The following NEK5 variants were observed in gnomAD, a reference collection of about 807,000 sequenced individuals.
The protein encoded by NEK5 is serine/threonine-protein kinase Nek5.
In NEK5, 88 loss-of-function variants were observed where a neutral mutation model predicts 109.2. The observed-to-expected ratio is 0.81, with a 90% CI of 0.68 to 0.96. The LOEUF is 0.96. NEK5 is among the 40% of genes least tolerant of loss of function. NEK5 has a pLI of 0.00. For synonymous variants in NEK5, 283 were observed against 299.9 expected (o/e 0.94, Z 0.58); for missense variants, 834 against 920.7 (o/e 0.91, Z 1.22).
chr13:52,094,915 T>C (rs1955371506), intron 12 of NEK5, among the ~76,000 whole-genome samples: 1 of 152,244 alleles, frequency 6.6e-6, no homozygotes, highest in Admixed American at 6.5e-5. Flanking sequence ...TTTAAAATAT[T>C]TTCTTTTCTT....
chr13:52,049,414 G>A (rs138692367), intron 23 of NEK5, among the ~76,000 whole-genome samples: 2,092 of 151,938 alleles, frequency 0.014, 19 homozygotes, highest in Middle Eastern at 0.02. Context: ...ACAGAGTGAG[G>A]CTCTGTCTCA....
At chr13:52,098,248 C>G (rs1009063173) in intron 12 of NEK5, among the ~76,000 whole-genome samples, 6 of 147,854 alleles carry the variant, frequency 4.1e-5, no homozygotes, top group Non-Finnish European at 3.0e-5. Flanking sequence ...GGTGACACAG[C>G]AGGACCCTCT....
At chr13:52,040,081 CTTTT>C (rs59617490) in intron 23 of NEK5, among the ~76,000 whole-genome samples, 12,659 of 120,304 alleles carry the variant, frequency 0.11, 485 homozygotes, top group Middle Eastern at 0.14. Flanking sequence ...TCTACTGGCA[CTTTT>C]TTTTTTTTTT....
intron 1 of NEK5, among the ~76,000 whole-genome samples, chr13:52,128,683 G>A (rs904317210): frequency 6.6e-6 from 1 of 152,214 alleles, no homozygotes; most frequent in Non-Finnish European, 1.5e-5. Context: ...TTGGGGCCGG[G>A]GGTGACTCGC....
In NEK5 at chr13:52,050,088, C is replaced by CA; in HGVS notation, c.2228+15dup. The stretch of plus-strand genomic sequence containing the variant: ...TACCAGTGCTCGACTTAGGTATCGG[C>CA]AAATGATCTACTTACGTATCATCAT... On this transcript the variant is annotated intron_variant, in intron 23 of 23. Transcript: ENST00000684899. 1.1e-6 allele frequency: 1 copy of CA among 935,900 alleles called. No individual in the cohort carries two copies. The highest frequency in any genetic ancestry group is 1.3e-6 in the Non-Finnish European group (1 of 784,482). The allele number at this position is 935,900 out of a possible 1,614,324, so 58.0% of individuals were successfully genotyped here. A position where few individuals can be genotyped will look rare whatever the true frequency, so the allele number is the denominator to read the frequency against.
intron 13 of NEK5, among the ~76,000 whole-genome samples, chr13:52,091,274 C>T (rs1457124650): frequency 1.3e-5 from 2 of 152,080 alleles, no homozygotes; most frequent in African/African-American, 4.8e-5. Context: ...TATATTTTCC[C>T]AGTGGTTGAG....
chr13:52,052,522 G>C (rs561730271), intron 22 of NEK5, among the ~76,000 whole-genome samples: 1 of 152,164 alleles, frequency 6.6e-6, no homozygotes, highest in African/African-American at 2.4e-5. Context: ...TTGCAGCAAG[G>C]AGCACAGACT....
chr13:52,098,150 G>C (rs1451114952), intron 12 of NEK5, among the ~76,000 whole-genome samples: 1 of 152,018 alleles, frequency 6.6e-6, no homozygotes, highest in Admixed American at 6.6e-5. Context: ...CAACTACCCA[G>C]TCTCAAGCAG....
At chr13:52,098,766 A>G (rs187706369) in intron 12 of NEK5, among the ~76,000 whole-genome samples, 162 of 152,320 alleles carry the variant, frequency 1.1e-3, no homozygotes, top group African/African-American at 3.7e-3. Context: ...AATTAAGCCT[A>G]AAGTATACTT....
intron 22 of NEK5, among the ~76,000 whole-genome samples, chr13:52,058,747 C>T (rs1250815872): frequency 2.0e-5 from 3 of 152,130 alleles, no homozygotes; most frequent in Non-Finnish European, 4.4e-5. Flanking sequence ...ACTGGCTAGC[C>T]ACATGTAGAA....
At chr13:52,079,864 T>C (rs1954947832) in intron 17 of NEK5, among the ~76,000 whole-genome samples, 2 of 151,026 alleles carry the variant, frequency 1.3e-5, no homozygotes, top group Admixed American at 6.6e-5. Flanking sequence ...GGAGCGTCTC[T>C]GCCCGGCCGC....
At chr13:52,080,695 A>G (rs920667515) in intron 17 of NEK5, among the ~76,000 whole-genome samples, 46 of 152,180 alleles carry the variant, frequency 3.0e-4, no homozygotes, top group Middle Eastern at 3.4e-3. Flanking sequence ...TGAAGGCAGC[A>G]TGCTCGTTAA....
rs377571878 is a variant in NEK5, at chr13:52,065,628, C to T, written c.1850-19G>A. ...GAAAACCCTGGGTGTAAGAAAACAA[C>T]TCATTAATTCGAAAGCAGTCAAAGT... On this transcript the variant is annotated intron_variant, in intron 20 of 23. Transcript: ENST00000684899. 4.4e-6 allele frequency: 7 copies of T among 1,578,758 alleles called. No individual in the cohort carries two copies. The highest frequency in any genetic ancestry group is 1.8e-4 in the Middle Eastern group (1 of 5,592).
chr13:52,083,111 A>C, intron 17 of NEK5, 149 bp downstream of exon 17: 1 of 563,366 alleles, frequency 1.8e-6, no homozygotes, highest in Non-Finnish European at 3.2e-6. Context: ...GCACGACTGC[A>C]CTCCAACCTG....
At position 52,071,996 on chromosome 13, in the gene NEK5, C is replaced by G; in HGVS notation, c.1797G>C (p.Glu599Asp). The G allele has an allele frequency of 6.2e-7, 1 of 1,610,548 alleles. No homozygotes were observed. Among genetic ancestry groups the G allele is most frequent in the Non-Finnish European group, 8.5e-7 (1 of 1,176,786 alleles). ...ATGCTTTGTCTGTATAATCTCCATG[C>G]TCCTTTACACATTCATATTCCTTAA... ...MKFKEYECVK[E>D]HGDYTDKAFE... Residue 599 changes from glutamate (E) to aspartate (D), a missense_variant, in exon 20 of 24, where the codon GAG (glutamate) becomes GAC (aspartate). By Grantham distance (45) the Glu-to-Asp change is conservative. This residue lies in a region of NEK5 where 777 missense variants were observed against 824.7 expected (regional missense o/e 0.94). Transcript: ENST00000684899.
At chr13:52,081,270 C>T (rs1955007808) in intron 17 of NEK5, among the ~76,000 whole-genome samples, 1 of 152,184 alleles carries the variant, frequency 6.6e-6, no homozygotes, top group Admixed American at 6.5e-5. Flanking sequence ...AAAAATTAGA[C>T]AAATTAAGTG....
chr13:52,082,408 C>T (rs935595569), intron 17 of NEK5: 82 of 1,080,254 alleles, frequency 7.6e-5, no homozygotes, highest in Admixed American at 3.1e-4. Context: ...GCTTCTTATT[C>T]GCAAAATAAA....
intron 19 of NEK5, 79 bp downstream of exon 19, chr13:52,075,679 A>G: frequency 2.2e-6 from 2 of 893,844 alleles, no homozygotes; most frequent in East Asian, 2.6e-5. Flanking sequence ...CAGCCTGTGA[A>G]ATAATTTCAT....
intron 8 of NEK5, among the ~76,000 whole-genome samples, chr13:52,107,264 T>TAATA (rs1555315841): frequency 3.3e-5 from 5 of 151,468 alleles, no homozygotes; most frequent in Non-Finnish European, 5.9e-5. Flanking sequence ...ACTGTTTCTA[T>TAATA]ACTGAGTGGT....
Sources: allele counts gnomAD v4.1 joint callset (sites outside exome capture counted in the v4.1 genomes callset), GRCh38; gene constraint gnomAD v4.1.1; regional missense constraint gnomAD v4.1.1; transcripts MANE v1.5; gene names NCBI Gene and HGNC (gene_info 2026-07-23, HGNC 2026-07-21).